LTBP3: variants seen among roughly 807,000 people sequenced by gnomAD.
The protein encoded by LTBP3 is latent-transforming growth factor beta-binding protein 3.
LTBP3 carries 97 observed loss-of-function variants against 159.7 expected under a neutral mutation model. The observed-to-expected ratio is 0.61, with a 90% CI of 0.52 to 0.72. The LOEUF (loss-of-function observed/expected upper bound fraction) is 0.72. Ranked by LOEUF, LTBP3 falls within the 30% of genes least tolerant of loss-of-function variation. LTBP3 has a pLI of 0.00. For synonymous variants in LTBP3, 824 were observed against 777.1 expected (o/e 1.06, Z -1.00); for missense variants, 1,584 against 1,864.3 (o/e 0.85, Z 2.77).
intron 16 of LTBP3, chr11:65,545,683 C>T (rs1856333966): frequency 4.4e-6 from 1 of 227,698 alleles, no homozygotes; most frequent in Non-Finnish European, 8.7e-6. Flanking sequence ...TGCAACAGAC[C>T]TCCCTCCACA....
Position 65,547,581 on chromosome 11 carries a change from A to G in LTBP3, c.1979-14T>C. Reference sequence around the variant, plus strand: ...ATTCGTTCAGGTCTGTGCGGGAGGAAGGGGCCACGAAGGGGGTGTAGGAGG... The same window carrying G: ...ATTCGTTCAGGTCTGTGCGGGAGGAGGGGGCCACGAAGGGGGTGTAGGAGG... On this transcript the variant is annotated splice_polypyrimidine_tract_variant and intron_variant, in intron 13 of 27. Transcript: ENST00000301873. The surrounding 1 kb of genome is among the most constrained non-coding windows in gnomAD (Gnocchi z 4.6). 1 of 1,613,298 alleles carries G rather than the reference A, an allele frequency of 6.2e-7. No individual in the cohort carries two copies. The highest frequency in any genetic ancestry group is 8.5e-7 in the Non-Finnish European group (1 of 1,179,498).
At chr11:65,543,393 G>C (rs199950998) in intron 17 of LTBP3, 34 bp downstream of exon 17, 6 of 1,613,290 alleles carry the variant, frequency 3.7e-6, no homozygotes, top group Middle Eastern at 1.8e-4. Flanking sequence ...GGTAGGGAGG[G>C]ACAGGTCAGC....
Position 65,538,587 on chromosome 11 carries a change from C to T in LTBP3, c.*493G>A, listed in dbSNP as rs1396254392. ...ACTGAACCGTGGCGGTGGCCCTTCC[C>T]GGCTGCGGAGAGCCCGCCCCACAGA... On this transcript the variant is annotated 3_prime_UTR_variant, in exon 28 of 28. Coordinates refer to ENST00000301873, the MANE Select transcript of LTBP3 (RefSeq NM_001130144.3). 2.5e-6 allele frequency: 4 copies of T among 1,603,966 alleles called. No homozygotes were observed. The highest frequency in any genetic ancestry group is 1.7e-4 in the Middle Eastern group (1 of 6,046).
intron 11 of LTBP3, among the ~76,000 whole-genome samples, chr11:65,549,757 GAAAAAA>G (rs752434010): frequency 5.5e-4 from 58 of 104,508 alleles, no homozygotes; most frequent in Non-Finnish European, 8.7e-4. Flanking sequence ...CCCAGGCCGG[GAAAAAA>G]AAAAAAAAAA....
Position 65,552,226 on chromosome 11 carries a change from T to A in LTBP3, c.1345+22A>T. ...AGGTGCATGGACCTATGAACCCCTA[T>A]CCCCGGGTAACCCTGACTCACCGGT... On this transcript the variant is annotated intron_variant, in intron 7 of 27. Coordinates refer to ENST00000301873, the MANE Select transcript of LTBP3 (RefSeq NM_001130144.3). The surrounding 1 kb of genome is among the most constrained non-coding windows in gnomAD (Gnocchi z 6.0). The A allele has an allele frequency of 6.2e-7, 1 of 1,614,144 alleles. No individual in the cohort carries two copies.
In LTBP3 at chr11:65,546,962, C is replaced by T. The variant is rs1380860441; in HGVS notation, c.2108-42G>A. 3.7e-6 allele frequency: 6 copies of T among 1,605,016 alleles called. No homozygotes were observed. The highest frequency in any genetic ancestry group is 5.1e-6 in the Non-Finnish European group (6 of 1,179,260). ...AGGAAGAGGACCCATCTGGGGACAA[C>T]GCGGGTGGCCCGGCTCCCAGCGTCC... On this transcript the variant is annotated intron_variant, in intron 14 of 27. Transcript: ENST00000301873. This position sits in a 1 kb window ranked among gnomAD's most constrained non-coding sequence, Gnocchi z 4.0.
chr11:65,540,644 G>C (rs1225626406), intron 21 of LTBP3, 30 bp from the exon 22 acceptor site: 1 of 1,579,562 alleles, frequency 6.3e-7, no homozygotes. Flanking sequence ...GGCCGCTCCG[G>C]TCCCGCAGCT....
intron 19 of LTBP3, 98 bp from the exon 20 acceptor site, chr11:65,541,391 C>T: frequency 1.3e-6 from 2 of 1,494,086 alleles, no homozygotes; most frequent in East Asian, 2.3e-5. Flanking sequence ...CATTCCCTGG[C>T]TCCCCTTAGC....
Position 65,554,311 on chromosome 11 carries a change from T to C in LTBP3, c.401A>G (p.Asp134Gly). The C allele has an allele frequency of 6.2e-7, 1 of 1,611,888 alleles. No homozygotes were observed. Among genetic ancestry groups the C allele is most frequent in the Non-Finnish European group, 8.5e-7 (1 of 1,179,634 alleles). ...SSRNQCLCPPDFTGRFCQVPA... is the reference protein window; with the variant it reads ...SSRNQCLCPPGFTGRFCQVPA... The stretch of plus-strand genomic sequence containing the variant: ...CACCTGGCAGAAGCGCCCAGTGAAG[T>C]CCGGGGGACACAGGCACTGGTTTCG... The change falls in exon 2 of 28, where the codon GAC becomes GGC. Residue 134 changes from aspartate (D) to glycine (G), a missense_variant. Physicochemically the swap from Asp to Gly is moderately conservative, Grantham distance 94. Coordinates refer to ENST00000301873, the MANE Select transcript of LTBP3 (RefSeq NM_001130144.3). The surrounding 1 kb of genome is among the most constrained non-coding windows in gnomAD (Gnocchi z 5.3).
At chr11:65,540,735 A>AGGAGGGGCGGGGCCTGCAGGAG (rs144864964) in intron 21 of LTBP3, 121 bp from the exon 22 acceptor site, 3 of 1,474,338 alleles carry the variant, frequency 2.0e-6, no homozygotes, top group Non-Finnish European at 2.8e-6. Context: ...CGGGGCCTAC[A>AGGAGGGGCGGGGCCTGCAGGAG]GGGCGGGGCC....
chr11:65,549,567 CTTTTTTTTTTTTT>C (rs748132211), intron 11 of LTBP3, among the ~76,000 whole-genome samples: 1 of 64,744 alleles, frequency 1.5e-5, no homozygotes, highest in Non-Finnish European at 2.6e-5. Flanking sequence ...CCCAGCTAAT[CTTTTTTTTTTTTT>C]TTTTTTTTTT....
intron 16 of LTBP3, chr11:65,543,891 C>T: frequency 5.4e-6 from 2 of 373,178 alleles, no homozygotes; most frequent in Admixed American, 3.7e-5. Flanking sequence ...TTCCCACTTT[C>T]TTCTGCTCAT....
chr11:65,556,025 T>C (rs1038552695), intron 1 of LTBP3, among the ~76,000 whole-genome samples: 3 of 152,040 alleles, frequency 2.0e-5, no homozygotes, highest in Non-Finnish European at 4.4e-5. Context: ...GAGTCACTCA[T>C]AGCGGTGAGA....
In LTBP3 at chr11:65,547,467, G is replaced by A; in HGVS notation, c.2079C>T (p.Leu693=). 2.5e-6 allele frequency: 4 copies of A among 1,614,080 alleles called. No individual in the cohort carries two copies. Among genetic ancestry groups the A allele is most frequent in the Non-Finnish European group, 3.4e-6 (4 of 1,180,012 alleles). ...YKCNCYPGYR[L]KASRPPVCED... is the part of the protein sequence containing the mutation. ...CGCACACAGGAGGCCGGGAGGCTTTGAGCCGGTAGCCGGGGTAGCAGTTGC... is the reference window on the plus strand; with the variant it reads ...CGCACACAGGAGGCCGGGAGGCTTTAAGCCGGTAGCCGGGGTAGCAGTTGC... Residue 693 remains leucine, a synonymous_variant, in exon 14 of 28, where the codon CTC becomes CTT. Transcript: ENST00000301873. This position sits in a 1 kb window ranked among gnomAD's most constrained non-coding sequence, Gnocchi z 4.6.
chr11:65,542,629 G>T (rs866212987), intron 18 of LTBP3: 1 of 251,252 alleles, frequency 4.0e-6, no homozygotes, highest in Non-Finnish European at 7.9e-6. Context: ...CTCATGATCC[G>T]CCCGCCTCAG....
Position 65,557,978 on chromosome 11 carries a change from G to T in LTBP3, c.-19C>A. The T allele has an allele frequency of 8.8e-7, 1 of 1,134,076 alleles. No homozygotes were observed. Among genetic ancestry groups the T allele is most frequent in the Non-Finnish European group, 1.1e-6 (1 of 927,470 alleles). The allele number at this position is 1,134,076 out of a possible 1,614,324, so 70.3% of individuals were successfully genotyped here. A position where few individuals can be genotyped will look rare whatever the true frequency, so the allele number is the denominator to read the frequency against. ...CGGGCATCCGGGGCCGCAGGACCCG[G>T]GGGAGGGGGGGCGCGCCCGGGCGGG... is the stretch of plus-strand genomic sequence containing the variant. On this transcript the variant is annotated 5_prime_UTR_variant, in exon 1 of 28. Coordinates refer to ENST00000301873, the MANE Select transcript of LTBP3 (RefSeq NM_001130144.3).
chr11:65,539,953 C>T (rs1856006315), intron 24 of LTBP3, 60 bp downstream of exon 24: 5 of 1,459,310 alleles, frequency 3.4e-6, no homozygotes, highest in South Asian at 1.4e-5. Context: ...ACCCCACCTG[C>T]GCGGGGGCCA....
chr11:65,554,272 G>C lies in LTBP3; in HGVS notation c.440C>G (p.Ala147Gly), dbSNP rs370789621. The C allele has an allele frequency of 6.2e-7, 1 of 1,610,582 alleles. No individual in the cohort carries two copies. The highest frequency in any genetic ancestry group is 8.5e-7 in the Non-Finnish European group (1 of 1,179,274). ...GRFCQVPAGG[A>G]GGGTGGSGPG... ...GCCTGAGCCGCCGGTACCCCCACCG[G>C]CTCCTCCTGCGGGCACCTGGCAGAA... Residue 147 changes from alanine (A) to glycine (G), a missense_variant, in exon 2 of 28, where the codon GCC becomes GGC. Physicochemically the swap from Ala to Gly is moderately conservative, Grantham distance 60 (BLOSUM62 0). Coordinates refer to ENST00000301873, the MANE Select transcript of LTBP3 (RefSeq NM_001130144.3). This position sits in a 1 kb window ranked among gnomAD's most constrained non-coding sequence, Gnocchi z 5.3.
Position 65,541,734 on chromosome 11 carries a change from G to T in LTBP3, c.2597-6C>A. 2 of 1,613,962 alleles carry T rather than the reference G, an allele frequency of 1.2e-6. No individual in the cohort carries two copies. The highest frequency in any genetic ancestry group is 1.7e-6 in the Non-Finnish European group (2 of 1,179,950). ...CTGGCTGCACTCATCTATGTCTGCG[G>T]GGCAAGAGTAGCGCAGCTGGAAACC... On this transcript the variant is annotated splice_region_variant and splice_polypyrimidine_tract_variant and intron_variant, in intron 18 of 27. Coordinates refer to ENST00000301873, the MANE Select transcript of LTBP3 (RefSeq NM_001130144.3).
Sources: gnomAD v4.1 joint callset for allele counts (sites outside exome capture counted in the v4.1 genomes callset) on GRCh38, gnomAD v4.1.1 for gene constraint, Gnocchi (gnomAD v3.1) non-coding constraint, MANE v1.5 for transcripts, NCBI Gene and HGNC (gene_info 2026-07-23, HGNC 2026-07-21) for gene names.